BACE2: variants seen among roughly 807,000 people sequenced by gnomAD.
BACE2 encodes the protein 56 kDa aspartic-like protease.
In BACE2, 17 loss-of-function variants were observed where a neutral mutation model predicts 46.2. The observed-to-expected ratio is 0.37, with a 90% CI of 0.25 to 0.55. The LOEUF (loss-of-function observed/expected upper bound fraction) is 0.55. Ranked by LOEUF, BACE2 falls within the 20% of genes least tolerant of loss-of-function variation. The pLI, the probability that BACE2 is intolerant of heterozygous loss-of-function variation, is 0.82. For synonymous variants in BACE2, 277 were observed against 295.9 expected, an observed-to-expected ratio of 0.94 and a Z score of 0.66; for missense variants, 595 against 698.1, an observed-to-expected ratio of 0.85 and a Z score of 1.66.
intron 1 of BACE2, among the ~76,000 whole-genome samples, chr21:41,207,527 A>T (rs980091578): frequency 2.6e-5 from 4 of 152,134 alleles, no homozygotes; most frequent in Admixed American, 2.6e-4. Flanking sequence ...GTAACCTCAG[A>T]GGCTTCCAGG....
At chr21:41,266,757 C>T (rs905452754) in intron 8 of BACE2, among the ~76,000 whole-genome samples, 3 of 152,214 alleles carry the variant, frequency 2.0e-5, no homozygotes, top group Non-Finnish European at 2.9e-5. Flanking sequence ...CCCTCCTGGT[C>T]GTGGGAACCC....
intron 2 of BACE2, among the ~76,000 whole-genome samples, chr21:41,231,603 A>G (rs758829999): frequency 3.3e-5 from 5 of 152,100 alleles, no homozygotes; most frequent in Admixed American, 6.5e-5. Flanking sequence ...CCTCAGTTCA[A>G]TTGATTTCAC....
chr21:41,228,632 T>C (rs1195209646), intron 2 of BACE2, among the ~76,000 whole-genome samples: 1 of 151,996 alleles, frequency 6.6e-6, no homozygotes, highest in Non-Finnish European at 1.5e-5. Flanking sequence ...GCTAACAGAG[T>C]GAGATCTCAG....
Position 41,245,988 on chromosome 21 carries a change from C to T in BACE2, c.909C>T (p.Asp303=). 6.2e-7 allele frequency: 1 copy of T among 1,611,146 alleles called. No homozygotes were observed. The highest frequency in any genetic ancestry group is 1.1e-5 in the South Asian group (1 of 90,222). The change falls in exon 6 of 9, where the codon GAC becomes GAT. Residue 303 remains aspartate (D), a synonymous_variant. Transcript: ENST00000330333. Reference sequence around the variant, plus strand: ...ATAACGCAGACAAGGCCATCGTGGACAGTGGCACCACGCTGCTGCGCCTGC... The same window carrying T: ...ATAACGCAGACAAGGCCATCGTGGATAGTGGCACCACGCTGCTGCGCCTGC... The part of the protein sequence containing the change: ...REYNADKAIV[D]SGTTLLRLPQ...
chr21:41,230,063 G>A (rs539742276), intron 2 of BACE2: 3 of 152,196 alleles, frequency 2.0e-5, no homozygotes, highest in Non-Finnish European at 4.4e-5. Context: ...TTCCTTATTT[G>A]CGAGTACTGC....
intron 1 of BACE2, among the ~76,000 whole-genome samples, chr21:41,224,041 G>A (rs56382236): frequency 3.1e-3 from 468 of 152,014 alleles, no homozygotes; most frequent in African/African-American, 0.011. Context: ...GTGGGGCCCC[G>A]GGATCCAGAG....
chr21:41,189,121 C>T (rs1200404345), intron 1 of BACE2, among the ~76,000 whole-genome samples: 2 of 151,998 alleles, frequency 1.3e-5, no homozygotes, highest in East Asian at 1.9e-4. Flanking sequence ...TTTTCTTTCC[C>T]TCCAGAAACA....
Position 41,253,467 on chromosome 21 carries a change from C to T in BACE2, c.1134+2566C>T, listed in dbSNP as rs548122523. Among the ~76,000 whole-genome samples, 6 of 150,802 alleles carry T rather than the reference C, an allele frequency of 4.0e-5. No individual in the cohort carries two copies. The South Asian group carries it at 1.3e-3, about 32-fold the overall frequency. ...AAAAAAAAAAAAAAAAAATCACGTG[C>T]TCTTGATGATTACATTTTGGCTAGT... On this transcript the variant is annotated intron_variant, in intron 7 of 8. Coordinates refer to ENST00000330333, the MANE Select transcript of BACE2 (RefSeq NM_012105.5).
chr21:41,252,858 A>G (rs1280951762), intron 7 of BACE2, among the ~76,000 whole-genome samples: 1 of 152,210 alleles, frequency 6.6e-6, no homozygotes, highest in Non-Finnish European at 1.5e-5. Context: ...TGCTTTCCAG[A>G]AAAGGAGAGA....
intron 2 of BACE2, among the ~76,000 whole-genome samples, chr21:41,228,409 C>T (rs1986881043): frequency 6.6e-6 from 1 of 152,088 alleles, no homozygotes; most frequent in Non-Finnish European, 1.5e-5. Flanking sequence ...AAGAGAATAC[C>T]CAAGGCTGGG....
Position 41,243,389 on chromosome 21 carries a change from T to C in BACE2, c.761T>C (p.Ile254Thr), listed in dbSNP as rs1987361968. The change falls in exon 5 of 9, where the codon ATT (isoleucine) becomes ACT (threonine). Residue 254 changes from isoleucine to threonine, a missense_variant. Transcript: ENST00000330333. ...TNGGSLVLGGIEPSLYKGDIW... is the reference protein window; with the variant it reads ...TNGGSLVLGGTEPSLYKGDIW... ...TTCCTGTCCCAGGTCTTGGGTGGAA[T>C]TGAACCAAGTTTGTATAAAGGAGAC... 1 of 1,603,090 alleles carries C rather than the reference T, an allele frequency of 6.2e-7. No individual in the cohort carries two copies.
intron 6 of BACE2, among the ~76,000 whole-genome samples, chr21:41,249,392 T>A (rs1987573723): frequency 6.6e-6 from 1 of 151,714 alleles, no homozygotes; most frequent in African/African-American, 2.4e-5. Context: ...ACACTTGGCT[T>A]CAGGGGACTC....
chr21:41,197,741 C>T (rs192967927), intron 1 of BACE2, among the ~76,000 whole-genome samples: 1 of 152,208 alleles, frequency 6.6e-6, no homozygotes, highest in Admixed American at 6.5e-5. Flanking sequence ...GTTGACTATT[C>T]CTAATCTCCA....
At chr21:41,222,329 C>T (rs1373140246) in intron 1 of BACE2, among the ~76,000 whole-genome samples, 1 of 152,204 alleles carries the variant, frequency 6.6e-6, no homozygotes, top group Admixed American at 6.5e-5. Flanking sequence ...AGACTGGGAA[C>T]AGCAGTTCTC....
chr21:41,235,031 G>A (rs1336327443), intron 2 of BACE2, among the ~76,000 whole-genome samples: 1 of 152,170 alleles, frequency 6.6e-6, no homozygotes, highest in Admixed American at 6.5e-5. Flanking sequence ...CCATTATGAA[G>A]TTAGAATCAG....
chr21:41,253,966 C>T (rs565701122), intron 7 of BACE2, among the ~76,000 whole-genome samples: 1 of 152,244 alleles, frequency 6.6e-6, no homozygotes. Flanking sequence ...GAAAGATCAC[C>T]TGGTGAGACC....
At chr21:41,226,522 G>A (rs1986823517) in intron 2 of BACE2, among the ~76,000 whole-genome samples, 168 bp downstream of exon 2, 1 of 152,210 alleles carries the variant, frequency 6.6e-6, no homozygotes, top group African/African-American at 2.4e-5. Flanking sequence ...ATATGTACAT[G>A]TTCATTCCAT....
chr21:41,203,825 TG>T (rs1986040030), intron 1 of BACE2, among the ~76,000 whole-genome samples: 1 of 151,920 alleles, frequency 6.6e-6, no homozygotes, highest in African/African-American at 2.4e-5. Context: ...AAGACGGGGA[TG>T]GGTCAGGGAG....
intron 2 of BACE2, among the ~76,000 whole-genome samples, chr21:41,226,800 A>G (rs1297672092): frequency 1.3e-5 from 2 of 152,166 alleles, no homozygotes; most frequent in Non-Finnish European, 2.9e-5. Flanking sequence ...CCACCTTTGC[A>G]TAGTTCAGTA....
Sources: allele counts gnomAD v4.1 joint callset (sites outside exome capture counted in the v4.1 genomes callset), GRCh38; gene constraint gnomAD v4.1.1; transcripts MANE v1.5; gene names NCBI Gene and HGNC (gene_info 2026-07-23, HGNC 2026-07-21).